Variants in TSPO2 observed in about 807,000 individuals in gnomAD.
TSPO2 encodes the protein translocator protein 2.
A neutral mutation model predicts 13.3 loss-of-function variants in TSPO2; 15 were observed. The observed-to-expected ratio is 1.13, with a 90% CI of 0.75 to 1.73. TSPO2 has a LOEUF of 1.73. Ranked by LOEUF, TSPO2 falls within the 40% of genes most tolerant of loss-of-function variation. The pLI, the probability that TSPO2 is intolerant of heterozygous loss-of-function variation, is 0.00. For synonymous variants in TSPO2, 81 were observed against 91.6 expected (o/e 0.88, Z 0.66); for missense variants, 202 against 198.3 (o/e 1.02, Z -0.11).
chr6:41,043,249 A>T, intron 2 of TSPO2, 91 bp downstream of exon 2: 4 of 1,451,258 alleles, frequency 2.8e-6, no homozygotes, highest in Non-Finnish European at 3.7e-6. Flanking sequence ...ATTGGCCTCC[A>T]AAGGTAGGCG....
Position 41,044,181 on chromosome 6 carries a change from AAG to A in TSPO2, c.*47_*48del, listed in dbSNP as rs1581983740. On this transcript the variant is annotated 3_prime_UTR_variant, in exon 4 of 4. Transcript: ENST00000373161. ...AGGAGGGACGCCCAGGGTGGGGAGG[AAG>A]AGTCTGCAAGCAGGGCTGTGGAGTT... 3.1e-6 allele frequency: 5 copies of A among 1,602,806 alleles called. No individual in the cohort carries two copies. Among genetic ancestry groups the A allele is most frequent in the Non-Finnish European group, 3.4e-6 (4 of 1,171,250 alleles).
upstream of TSPO2, among the ~76,000 whole-genome samples, chr6:41,041,633 GCT>G (rs1441107830): frequency 6.6e-6 from 1 of 150,782 alleles, no homozygotes; most frequent in East Asian, 1.9e-4. Flanking sequence ...ATGCTGCTCA[GCT>G]CTGTCCCAGA....
rs1762634676 is a variant in TSPO2, at chr6:41,043,928, C to T, written c.316-12C>T. The T allele has an allele frequency of 1.9e-6, 3 of 1,611,314 alleles. No homozygotes were observed. Among genetic ancestry groups the T allele is most frequent in the East Asian group, 2.2e-5 (1 of 44,856 alleles). On this transcript the variant is annotated splice_polypyrimidine_tract_variant and intron_variant, in intron 3 of 3. Transcript: ENST00000373161. ...CTCGGGCAGCCAGCTGACCCCCGGCCTCTATGCCCAGGCCCTGCTGCACCT... is the reference window on the plus strand; with the variant it reads ...CTCGGGCAGCCAGCTGACCCCCGGCTTCTATGCCCAGGCCCTGCTGCACCT...
At position 41,043,122 on chromosome 6, in the gene TSPO2, T is replaced by C. The variant is rs1313350575; in HGVS notation, c.137T>C (p.Leu46Ser). ...TCCTGGTGCCCATTCTACAAAGTCT[T>C]ATTGCTTGTACAGACAGCCATCTAC... ...MLSWCPFYKV[L>S]LLVQTAIYSV... Residue 46 changes from leucine to serine, a missense_variant, in exon 2 of 4, where the codon TTA (leucine) becomes TCA (serine). Coordinates refer to ENST00000373161, the MANE Select transcript of TSPO2 (RefSeq NM_001010873.3). 1 of 1,613,928 alleles carries C rather than the reference T, an allele frequency of 6.2e-7. No individual in the cohort carries two copies.
At chr6:41,042,873 G>A in intron 1 of TSPO2, 93 bp from the exon 2 acceptor site, 2 of 1,309,744 alleles carry the variant, frequency 1.5e-6, no homozygotes, top group Non-Finnish European at 2.2e-6. Context: ...TCTCTGAGGG[G>A]CTCAGGCCAG....
intron 1 of TSPO2, 75 bp downstream of exon 1, chr6:41,042,853 G>A (rs1016892061): frequency 6.6e-6 from 7 of 1,060,846 alleles, no homozygotes; most frequent in Non-Finnish European, 1.0e-5. Flanking sequence ...GGACCTCCGT[G>A]AGTAGACCTT....
At position 41,044,318 on chromosome 6, in the gene TSPO2, A is replaced by G; in HGVS notation, c.*181A>G. On this transcript the variant is annotated 3_prime_UTR_variant, in exon 4 of 4. Transcript: ENST00000373161. ...ACTGATTTTACACTTAAATAATAAA[A>G]TCCTATTAGTAACTCTGAAGGTATG... 1.6e-6 allele frequency: 1 copy of G among 614,150 alleles called. No individual in the cohort carries two copies. The highest frequency in any genetic ancestry group is 2.9e-6 in the Non-Finnish European group (1 of 348,480). 38.0% of individuals were successfully genotyped at this position (614,150 alleles called of 1,614,324 possible).
chr6:41,043,697 TG>T lies in TSPO2; in HGVS notation c.315+1del. On this transcript the variant is annotated frameshift_variant and splice_region_variant, in exon 3 of 4. Coordinates refer to ENST00000373161, the MANE Select transcript of TSPO2 (RefSeq NM_001010873.3). LOFTEE classifies it high-confidence loss of function. ...VLFFTVHNPG[L>X]ALLHLLLLYG... ...TTTTTCACAGTCCACAACCCTGGTCTGGTAAGGCACACAGTGCTCAGTAGCA... is the reference window on the plus strand; with the variant it reads ...TTTTTCACAGTCCACAACCCTGGTCTGTAAGGCACACAGTGCTCAGTAGCA... The T allele has an allele frequency of 1.3e-6, 2 of 1,597,418 alleles. No individual in the cohort carries two copies. The highest frequency in any genetic ancestry group is 1.7e-6 in the Non-Finnish European group (2 of 1,171,198).
intron 1 of TSPO2, 76 bp downstream of exon 1, chr6:41,042,854 A>G: frequency 9.4e-7 from 1 of 1,068,638 alleles, no homozygotes; most frequent in African/African-American, 1.5e-5. Context: ...GACCTCCGTG[A>G]GTAGACCTTC....
upstream of TSPO2, chr6:41,042,422 G>GC (rs1206682364): frequency 3.9e-6 from 1 of 257,792 alleles, no homozygotes; most frequent in Non-Finnish European, 7.8e-6. Context: ...GCCTGGGTGG[G>GC]CCCCATGAGT....
rs773486981 is a variant in TSPO2 at position 41,042,725 on chromosome 6, G to A, written c.-74G>A. The A allele has an allele frequency of 2.6e-5, 17 of 648,578 alleles. No individual in the cohort carries two copies. The highest frequency in any genetic ancestry group is 4.3e-5 in the Non-Finnish European group (15 of 350,910). The allele number at this position is 648,578 out of a possible 1,614,324, so 40.2% of individuals were successfully genotyped here. A position where few individuals can be genotyped will look rare whatever the true frequency, so the allele number is the denominator to read the frequency against. On this transcript the variant is annotated 5_prime_UTR_variant, in exon 1 of 4. Coordinates refer to ENST00000373161, the MANE Select transcript of TSPO2 (RefSeq NM_001010873.3). Reference sequence around the variant, plus strand: ...CAGTGCTGGGCAGTGTCCTCCAAGTGCCAGAGGAGTGCTGTGGAGAAAAGA... The same window carrying A: ...CAGTGCTGGGCAGTGTCCTCCAAGTACCAGAGGAGTGCTGTGGAGAAAAGA...
intron 2 of TSPO2, 52 bp from the exon 3 acceptor site, chr6:41,043,505 T>A: frequency 6.5e-7 from 1 of 1,531,442 alleles, no homozygotes; most frequent in Non-Finnish European, 8.8e-7. Context: ...GCCTCCTCCA[T>A]TTGCCACGGA....
Position 41,044,233 on chromosome 6 carries a change from C to T in TSPO2, c.*96C>T. 7.7e-7 allele frequency: 1 copy of T among 1,292,576 alleles called. No individual in the cohort carries two copies. Among genetic ancestry groups the T allele is most frequent in the Non-Finnish European group, 1.1e-6 (1 of 912,796 alleles). The allele number at this position is 1,292,576 out of a possible 1,614,324, so 80.1% of individuals were successfully genotyped here. A position where few individuals can be genotyped will look rare whatever the true frequency, so the allele number is the denominator to read the frequency against. On this transcript the variant is annotated 3_prime_UTR_variant, in exon 4 of 4. Coordinates refer to ENST00000373161, the MANE Select transcript of TSPO2 (RefSeq NM_001010873.3). ...TAGGGTTCACCCCAATGGGACCACC[C>T]TCCTGGGTCCCCTGGTGCCGTTTTT...
upstream of TSPO2, among the ~76,000 whole-genome samples, chr6:41,041,590 C>G (rs1762589302): frequency 6.6e-6 from 1 of 151,332 alleles, no homozygotes; most frequent in Admixed American, 6.6e-5. Flanking sequence ...GTCAGGAGCA[C>G]AGAAAGACAA....
Position 41,044,201 on chromosome 6 carries a change from G to T in TSPO2, c.*64G>T. The T allele has an allele frequency of 2.5e-6, 4 of 1,572,710 alleles. No individual in the cohort carries two copies. Among genetic ancestry groups the T allele is most frequent in the Non-Finnish European group, 3.5e-6 (4 of 1,147,802 alleles). On this transcript the variant is annotated 3_prime_UTR_variant, in exon 4 of 4. Transcript: ENST00000373161. Reference sequence around the variant, plus strand: ...GGAGGAAGAGTCTGCAAGCAGGGCTGTGGAGTTAGGGTTCACCCCAATGGG... The same window carrying T: ...GGAGGAAGAGTCTGCAAGCAGGGCTTTGGAGTTAGGGTTCACCCCAATGGG...
At position 41,044,032 on chromosome 6, in the gene TSPO2, GC is replaced by G; in HGVS notation, c.411del (p.Tyr138ThrfsTer2). ...INKLAALLLLPYLAWLTVTSA... is the reference protein window; with the variant it reads ...INKLAALLLLXYLAWLTVTSA... ...ACAAACTGGCTGCCCTGTTACTGCTGCCCTACCTAGCCTGGCTCACCGTGAC... is the reference window on the plus strand; with the variant it reads ...ACAAACTGGCTGCCCTGTTACTGCTGCCTACCTAGCCTGGCTCACCGTGAC... On this transcript the variant is annotated frameshift_variant, in exon 4 of 4. Transcript: ENST00000373161. LOFTEE classifies it high-confidence loss of function. The G allele has an allele frequency of 6.2e-7, 1 of 1,614,204 alleles. No homozygotes were observed. Among genetic ancestry groups the G allele is most frequent in the South Asian group, 1.1e-5 (1 of 91,082 alleles).
Position 41,043,980 on chromosome 6 carries a change from G to A in TSPO2, c.356G>A (p.Ser119Asn), listed in dbSNP as rs1762637177. The A allele has an allele frequency of 6.2e-7, 1 of 1,613,984 alleles. No individual in the cohort carries two copies. Among genetic ancestry groups the A allele is most frequent in the Non-Finnish European group, 8.5e-7 (1 of 1,180,002 alleles). The change falls in exon 4 of 4, where the codon AGC (serine) becomes AAC (asparagine). Residue 119 changes from serine (S) to asparagine (N), a missense_variant. Ser to Asn is a conservative substitution (Grantham distance 46, BLOSUM62 1). Coordinates refer to ENST00000373161, the MANE Select transcript of TSPO2 (RefSeq NM_001010873.3). ...CTGCTGCTGTATGGGCTGGTGGTGA[G>A]CACAGCACTGATCTGGCATCCCATC... ...HLLLLYGLVV[S>N]TALIWHPINK...
At chr6:41,043,240 T>C (rs1026285318) in intron 2 of TSPO2, 82 bp downstream of exon 2, 49 of 1,493,300 alleles carry the variant, frequency 3.3e-5, no homozygotes, top group Non-Finnish European at 4.2e-5. Context: ...CTCCCATATA[T>C]TGGCCTCCAA....
Position 41,043,613 on chromosome 6 carries a change from C to T in TSPO2, c.230C>T (p.Ala77Val). 6.2e-7 allele frequency: 1 copy of T among 1,613,202 alleles called. No individual in the cohort carries two copies. Among genetic ancestry groups the T allele is most frequent in the Non-Finnish European group, 8.5e-7 (1 of 1,179,462 alleles). ...GGAGGGGGCTTGGGGTGGCCCCTGG[C>T]CCTGCCTCTTGGCCTCTATGCTGTT... is the stretch of plus-strand genomic sequence containing the variant. ...DLGGGLGWPL[A>V]LPLGLYAVQL... Residue 77 changes from alanine to valine, a missense_variant, in exon 3 of 4, where the codon GCC (alanine) becomes GTC (valine). Physicochemically the swap from Ala to Val is moderately conservative, Grantham distance 64 (BLOSUM62 0). Transcript: ENST00000373161.
Sources: allele counts gnomAD v4.1 joint callset (sites outside exome capture counted in the v4.1 genomes callset), GRCh38; gene constraint gnomAD v4.1.1; transcripts MANE v1.5; gene names NCBI Gene and HGNC (gene_info 2026-07-23, HGNC 2026-07-21).